FBXL17: variants seen among roughly 807,000 people sequenced by gnomAD.
The protein encoded by FBXL17 is F-box/LRR-repeat protein 17.
Under a neutral mutation model 66.2 loss-of-function variants are expected in FBXL17, and 22 were observed. The ratio of observed to expected loss-of-function variants is 0.33; its 90% confidence interval spans 0.24 to 0.47. FBXL17 has a LOEUF of 0.47. Ranked by LOEUF, FBXL17 falls within the 20% of genes least tolerant of loss-of-function variation. FBXL17 has a pLI of 1.00. For synonymous variants in FBXL17, 474 were observed against 400.5 expected, an observed-to-expected ratio of 1.18 and a Z score of -2.19; for missense variants, 878 against 948.2, an observed-to-expected ratio of 0.93 and a Z score of 0.97.
intron 8 of FBXL17, chr5:107,879,806 G>C: frequency 1.0e-6 from 1 of 985,424 alleles, no homozygotes; most frequent in Non-Finnish European, 1.2e-6. Flanking sequence ...TTCTGAGCAA[G>C]TATCTGAACT....
intron 6 of FBXL17, among the ~76,000 whole-genome samples, chr5:108,099,810 G>A (rs1331119440): frequency 1.3e-5 from 2 of 152,198 alleles, no homozygotes; most frequent in Admixed American, 1.3e-4. Flanking sequence ...TTTGAGGATG[G>A]CATATTCTTA....
In FBXL17 at chr5:108,374,843, AAC is replaced by A. The variant is rs561285139; in HGVS notation, c.993+5854_993+5855del. Among the ~76,000 whole-genome samples, 454 of 152,302 alleles carry A rather than the reference AAC, an allele frequency of 3.0e-3. 2 individuals carry two copies. The highest frequency in any genetic ancestry group is 0.01 in the African/African-American group (436 of 41,578). On this transcript the variant is annotated intron_variant, in intron 1 of 8. Transcript: ENST00000542267. ...AAATAATTTGAAATTAATGAAAACA[AAC>A]ACATATAGCAAAATCTATGGGATAC...
At chr5:108,262,754 G>A (rs889209293) in intron 4 of FBXL17, among the ~76,000 whole-genome samples, 3 of 151,890 alleles carry the variant, frequency 2.0e-5, no homozygotes, top group Admixed American at 1.3e-4. Context: ...AAAAAAAAGA[G>A]CTAAATAAAT....
At chr5:107,979,489 T>C (rs1342072433) in intron 7 of FBXL17, among the ~76,000 whole-genome samples, 2 of 152,236 alleles carry the variant, frequency 1.3e-5, no homozygotes, top group African/African-American at 4.8e-5. Context: ...TTAAATTGCG[T>C]AATGGTGTGT....
chr5:107,938,349 C>T (rs953488792), intron 7 of FBXL17, among the ~76,000 whole-genome samples: 7 of 150,210 alleles, frequency 4.7e-5, no homozygotes, highest in Admixed American at 6.6e-5. Flanking sequence ...AATCAAAAAA[C>T]GGGGTAGCTC....
At chr5:108,097,408 G>A (rs1217384863) in intron 6 of FBXL17, among the ~76,000 whole-genome samples, 2 of 152,210 alleles carry the variant, frequency 1.3e-5, no homozygotes, top group Admixed American at 1.3e-4. Flanking sequence ...GTTGGACATA[G>A]CTCTAACATT....
At chr5:108,121,658 G>C (rs972775809) in intron 6 of FBXL17, among the ~76,000 whole-genome samples, 2 of 151,822 alleles carry the variant, frequency 1.3e-5, no homozygotes, top group African/African-American at 2.4e-5. Context: ...CAGGGATCAC[G>C]CCATTCTCCT....
intron 4 of FBXL17, among the ~76,000 whole-genome samples, chr5:108,241,644 T>C (rs937034720): frequency 2.0e-5 from 3 of 151,970 alleles, no homozygotes; most frequent in Admixed American, 6.6e-5. Context: ...AAAAAGATTA[T>C]AGAACACCAA....
intron 7 of FBXL17, among the ~76,000 whole-genome samples, chr5:108,006,167 T>C (rs1261182536): frequency 6.6e-6 from 1 of 152,238 alleles, no homozygotes; most frequent in African/African-American, 2.4e-5. Context: ...TAGGTCTATA[T>C]GTAACCCAGG....
chr5:107,876,827 C>T (rs987630157), intron 8 of FBXL17, among the ~76,000 whole-genome samples: 3 of 152,122 alleles, frequency 2.0e-5, no homozygotes, highest in African/African-American at 7.2e-5. Context: ...ACTGAAGTCA[C>T]AAAAATAATT....
intron 6 of FBXL17, among the ~76,000 whole-genome samples, chr5:108,178,907 A>G (rs1308451406): frequency 6.6e-6 from 1 of 152,234 alleles, no homozygotes. Context: ...AAAACAAAAT[A>G]TTCTCAAACT....
intron 5 of FBXL17, among the ~76,000 whole-genome samples, chr5:108,205,942 T>C (rs1580611916): frequency 2.0e-5 from 3 of 152,192 alleles, no homozygotes; most frequent in Admixed American, 2.0e-4. Flanking sequence ...ATATAAATGA[T>C]GCTGTGTACT....
chr5:108,316,169 A>G (rs1049323711), intron 4 of FBXL17, among the ~76,000 whole-genome samples: 2 of 151,532 alleles, frequency 1.3e-5, no homozygotes, highest in Non-Finnish European at 3.0e-5. Flanking sequence ...AAAGATTAAG[A>G]CTTTTAGTAG....
chr5:107,872,420 G>A (rs1001149816), intron 8 of FBXL17, among the ~76,000 whole-genome samples: 1 of 152,172 alleles, frequency 6.6e-6, no homozygotes, highest in Non-Finnish European at 1.5e-5. Flanking sequence ...AGAGGCAGTG[G>A]GATCTGACGG....
intron 8 of FBXL17, chr5:107,880,786 A>G: frequency 2.2e-6 from 3 of 1,342,598 alleles, no homozygotes; most frequent in Non-Finnish European, 2.9e-6. Flanking sequence ...CTAGTTGACT[A>G]TGTATATGAT....
intron 7 of FBXL17, among the ~76,000 whole-genome samples, chr5:108,010,814 C>A (rs1023281279): frequency 2.6e-5 from 4 of 152,042 alleles, no homozygotes; most frequent in Non-Finnish European, 4.4e-5. Context: ...GATAATTAAA[C>A]AATAGTTCTT....
chr5:107,960,070 C>T (rs192653948), intron 7 of FBXL17, among the ~76,000 whole-genome samples: 233 of 152,202 alleles, frequency 1.5e-3, no homozygotes, highest in Non-Finnish European at 2.6e-3. Context: ...GACAGAAATC[C>T]GGAGAACTCT....
At chr5:108,376,645 A>G (rs1044326686) in intron 1 of FBXL17, among the ~76,000 whole-genome samples, 1 of 152,134 alleles carries the variant, frequency 6.6e-6, no homozygotes, top group Non-Finnish European at 1.5e-5. Flanking sequence ...GCTAAGTCTA[A>G]TATCTAGGCT....
At chr5:107,879,431 A>G (rs1426455671) in intron 8 of FBXL17, 1 of 985,334 alleles carries the variant, frequency 1.0e-6, no homozygotes, top group Non-Finnish European at 1.2e-6. Flanking sequence ...GTTAGTGGAA[A>G]GATTTGTGGG....
Sources: allele counts gnomAD v4.1 joint callset (sites outside exome capture counted in the v4.1 genomes callset), GRCh38; gene constraint gnomAD v4.1.1; transcripts MANE v1.5; gene names NCBI Gene and HGNC (gene_info 2026-07-23, HGNC 2026-07-21).